PINX1: variants seen among roughly 807,000 people sequenced by gnomAD.
PINX1 encodes the protein PIN2/TERF1-interacting telomerase inhibitor 1.
PINX1 carries 34 observed loss-of-function variants against 25.4 expected under a neutral mutation model. The ratio of observed to expected loss-of-function variants is 1.34; its 90% CI spans 1.02 to 1.78. The LOEUF (loss-of-function observed/expected upper bound fraction) is 1.78. Ranked by LOEUF, PINX1 falls within the 40% of genes most tolerant of loss-of-function variation. The pLI, the probability that PINX1 is intolerant of heterozygous loss-of-function variation, is 0.00. For synonymous variants in PINX1, 197 were observed against 147.7 expected (o/e 1.33, Z -2.42); for missense variants, 592 against 404.9 (o/e 1.46, Z -3.97).
chr8:10,785,117 T>A (rs530361291), intron 6 of PINX1, among the ~76,000 whole-genome samples: 33 of 152,340 alleles, frequency 2.2e-4, no homozygotes, highest in South Asian at 1.2e-3. Context: ...TTAAGCTAGT[T>A]CAAGATTGTG....
chr8:10,786,830 C>G (rs760886821), intron 6 of PINX1, among the ~76,000 whole-genome samples: 8 of 152,226 alleles, frequency 5.3e-5, no homozygotes, highest in Non-Finnish European at 1.5e-5. Flanking sequence ...GCAAACTGCA[C>G]TTGCACCCAG....
chr8:10,826,693 A>G (rs1586203018), intron 4 of PINX1, among the ~76,000 whole-genome samples: 1 of 152,214 alleles, frequency 6.6e-6, no homozygotes, highest in African/African-American at 2.4e-5. Flanking sequence ...GGCCGCTGCC[A>G]CCGCAATGGC....
At chr8:10,799,187 T>C (rs561694198) in intron 6 of PINX1, among the ~76,000 whole-genome samples, 4 of 152,284 alleles carry the variant, frequency 2.6e-5, no homozygotes, top group East Asian at 3.9e-4. Flanking sequence ...ACAGAGTACC[T>C]GCAAAAAGTA....
intron 6 of PINX1, among the ~76,000 whole-genome samples, chr8:10,792,352 G>A (rs545302324): frequency 2.0e-5 from 3 of 152,002 alleles, no homozygotes; most frequent in Non-Finnish European, 4.4e-5. Context: ...CCTCCTCCAG[G>A]AGGGCAGGAA....
chr8:10,769,281 A>G (rs7010926), intron 6 of PINX1, among the ~76,000 whole-genome samples: 41,394 of 152,022 alleles, frequency 0.27, 5,906 homozygotes, highest in East Asian at 0.33. Flanking sequence ...TTTTGCACCA[A>G]CCTAATAAAA....
chr8:10,832,847 A>C, intron 3 of PINX1, 45 bp downstream of exon 3: 2 of 1,129,508 alleles, frequency 1.8e-6, no homozygotes, highest in Non-Finnish European at 2.7e-6. Context: ...ACAAGACTGA[A>C]GCCAATTATG....
intron 6 of PINX1, among the ~76,000 whole-genome samples, chr8:10,785,455 A>T (rs1801718505): frequency 6.6e-6 from 1 of 152,182 alleles, no homozygotes. Flanking sequence ...ATTACAAAGA[A>T]CTCCTAAGGC....
intron 6 of PINX1, among the ~76,000 whole-genome samples, chr8:10,819,056 G>A (rs1018216606): frequency 1.3e-5 from 2 of 152,196 alleles, no homozygotes; most frequent in African/African-American, 4.8e-5. Context: ...CTCCTCCCTA[G>A]TGACCACTGC....
chr8:10,786,568 G>GC (rs1801754462), intron 6 of PINX1, among the ~76,000 whole-genome samples: 1 of 152,120 alleles, frequency 6.6e-6, no homozygotes. Flanking sequence ...CGTGAGCTAC[G>GC]CCCCAGAAGG....
chr8:10,835,758 T>C (rs1798387273), intron 1 of PINX1, among the ~76,000 whole-genome samples: 1 of 150,304 alleles, frequency 6.7e-6, no homozygotes, highest in African/African-American at 2.5e-5. Context: ...ACGATAAAAA[T>C]GAAGAATGGA....
chr8:10,775,003 G>C (rs1586135412), intron 6 of PINX1, among the ~76,000 whole-genome samples: 1 of 151,992 alleles, frequency 6.6e-6, no homozygotes, highest in African/African-American at 2.4e-5. Context: ...CTTATTTTTA[G>C]CATAGACAAA....
At chr8:10,826,947 T>C (rs1798070977) in intron 4 of PINX1, among the ~76,000 whole-genome samples, 1 of 152,164 alleles carries the variant, frequency 6.6e-6, no homozygotes, top group Non-Finnish European at 1.5e-5. Context: ...TCTGCACTTG[T>C]GATAAAATTG....
chr8:10,817,224 G>A (rs1797725800), intron 6 of PINX1, among the ~76,000 whole-genome samples: 1 of 152,178 alleles, frequency 6.6e-6, no homozygotes, highest in Non-Finnish European at 1.5e-5. Context: ...GACTCTGGAG[G>A]GAGGTGACCT....
intron 6 of PINX1, among the ~76,000 whole-genome samples, chr8:10,773,903 A>G (rs976372548): frequency 2.0e-5 from 3 of 152,218 alleles, no homozygotes; most frequent in Non-Finnish European, 2.9e-5. Flanking sequence ...TTCCCGACAC[A>G]CTGGCCATGG....
intron 6 of PINX1, among the ~76,000 whole-genome samples, chr8:10,794,610 A>T (rs575113866): frequency 6.6e-6 from 1 of 152,212 alleles, no homozygotes; most frequent in East Asian, 1.9e-4. Flanking sequence ...TATTTTTAGT[A>T]GAGACGGGGT....
At chr8:10,831,871 T>C (rs1004514908) in intron 3 of PINX1, 128 bp from the exon 4 acceptor site, 3 of 642,776 alleles carry the variant, frequency 4.7e-6, no homozygotes, top group African/African-American at 3.6e-5. Context: ...ATCAAAATAC[T>C]ATTTGATAAA....
intron 6 of PINX1, among the ~76,000 whole-genome samples, chr8:10,786,349 A>C (rs1374068598): frequency 6.6e-6 from 1 of 152,150 alleles, no homozygotes; most frequent in Admixed American, 6.5e-5. Flanking sequence ...TCTTTCTACA[A>C]CACCAAGTAG....
chr8:10,770,304 G>A (rs567316189), intron 6 of PINX1, among the ~76,000 whole-genome samples: 22 of 152,200 alleles, frequency 1.4e-4, no homozygotes, highest in African/African-American at 5.1e-4. Context: ...ATTAGAGCTG[G>A]AGAATCTTAA....
At chr8:10,785,178 TAA>T (rs1276048646) in intron 6 of PINX1, among the ~76,000 whole-genome samples, 1 of 152,230 alleles carries the variant, frequency 6.6e-6, no homozygotes, top group African/African-American at 2.4e-5. Context: ...TGGAATTATA[TAA>T]GATTACAATT....
Sources: gnomAD v4.1 joint callset for allele counts (sites outside exome capture counted in the v4.1 genomes callset) on GRCh38, gnomAD v4.1.1 for gene constraint, MANE v1.5 for transcripts, NCBI Gene and HGNC (gene_info 2026-07-23, HGNC 2026-07-21) for gene names.